Variants in VWA2 observed in about 807,000 individuals in gnomAD.
VWA2 encodes the protein von Willebrand factor A domain-containing protein 2.
A neutral mutation model predicts 70.4 loss-of-function variants in VWA2; 73 were observed. The observed-to-expected ratio is 1.04, with a 90% CI of 0.86 to 1.26. VWA2 has a LOEUF of 1.26. Ranked by LOEUF, VWA2 falls within the 50% of genes most tolerant of loss-of-function variation. The probability of loss-of-function intolerance (pLI) is 0.00; values close to 1 mark genes in which losing one functional copy is unlikely to be tolerated. For missense variants in VWA2, 1,011 were observed against 998.5 expected, an observed-to-expected ratio of 1.01 and a Z score of -0.17; for synonymous variants, 407 against 423.3, an observed-to-expected ratio of 0.96 and a Z score of 0.47.
Position 114,289,299 on chromosome 10 carries a change from C to G in VWA2, c.1932C>G (p.Gly644=). 1 of 1,613,946 alleles carries G rather than the reference C, an allele frequency of 6.2e-7. No individual in the cohort carries two copies. Among genetic ancestry groups the G allele is most frequent in the Non-Finnish European group, 8.5e-7 (1 of 1,179,998 alleles). ...KAVVVLTGGR[G]AEDAAVPAQK... ...TGGTGGTGCTCACAGGCGGGAGAGG[C>G]GCAGAGGATGCAGCCGTTCCTGCCC... is the stretch of plus-strand genomic sequence containing the variant. Residue 644 remains glycine (G), a synonymous_variant, in exon 12 of 14, where the codon GGC becomes GGG. Transcript: ENST00000392982.
At chr10:114,266,189 C>T (rs932375618) in intron 5 of VWA2, among the ~76,000 whole-genome samples, 7 of 151,622 alleles carry the variant, frequency 4.6e-5, no homozygotes, top group South Asian at 2.1e-4. Context: ...CCCAGCTACT[C>T]GGGAGGCTGA....
intron 6 of VWA2, among the ~76,000 whole-genome samples, chr10:114,273,834 G>C (rs1385495939): frequency 6.6e-6 from 1 of 152,078 alleles, no homozygotes; most frequent in Non-Finnish European, 1.5e-5. Context: ...TCTCAGAAAG[G>C]AACTAGATAA....
chr10:114,262,374 A>G (rs1189193609), intron 5 of VWA2, among the ~76,000 whole-genome samples: 2 of 151,666 alleles, frequency 1.3e-5, no homozygotes, highest in Non-Finnish European at 2.9e-5. Context: ...ATATGCACAT[A>G]TTGACACATA....
intron 4 of VWA2, among the ~76,000 whole-genome samples, chr10:114,256,627 G>C (rs1406407224): frequency 6.6e-6 from 1 of 152,166 alleles, no homozygotes; most frequent in Non-Finnish European, 1.5e-5. Context: ...AAAATTAAGA[G>C]AGGCTGTGCG....
At chr10:114,246,521 A>AC in intron 1 of VWA2, 1 of 810,650 alleles carries the variant, frequency 1.2e-6, no homozygotes, top group South Asian at 1.8e-5. Flanking sequence ...AAAAAAAAAA[A>AC]AAAACGAGTA....
In VWA2 at chr10:114,272,861, G is replaced by A. The variant is rs2037742726; in HGVS notation, c.493G>A (p.Asp165Asn). The change falls in exon 6 of 14, where the codon GAT (aspartate) becomes AAT (asparagine). Residue 165 changes from aspartate to asparagine, a missense_variant. Asp to Asn is a conservative substitution (Grantham distance 23). Coordinates refer to ENST00000392982, the MANE Select transcript of VWA2 (RefSeq NM_001272046.2). ...IIVTDGKSQG[D>N]VALPSKQLKE... ...CGTCACTGATGGGAAGTCCCAGGGG[G>A]ATGTGGCACTGCCATCCAAGCAGCT... is the stretch of plus-strand genomic sequence containing the variant. 2 of 1,614,036 alleles carry A rather than the reference G, an allele frequency of 1.2e-6. No individual in the cohort carries two copies. The highest frequency in any genetic ancestry group is 1.3e-5 in the African/African-American group (1 of 75,026).
chr10:114,290,714 AG>A (rs1210900659), intron 13 of VWA2, among the ~76,000 whole-genome samples: 2 of 141,106 alleles, frequency 1.4e-5, no homozygotes, highest in Non-Finnish European at 3.1e-5. Flanking sequence ...TTAGGAGCAC[AG>A]TAGATCCAGG....
chr10:114,252,611 G>A (rs2037221360), intron 2 of VWA2, among the ~76,000 whole-genome samples: 1 of 152,036 alleles, frequency 6.6e-6, no homozygotes, highest in Non-Finnish European at 1.5e-5. Context: ...CAGGTGCCCT[G>A]TACTGTGTGA....
chr10:114,243,676 G>A (rs189401700), intron 1 of VWA2, among the ~76,000 whole-genome samples: 49 of 152,298 alleles, frequency 3.2e-4, no homozygotes, highest in African/African-American at 1.0e-3. Context: ...ATTTCCGATG[G>A]TAGAGAAGGC....
At chr10:114,287,789 C>G (rs1486019481) in intron 11 of VWA2, among the ~76,000 whole-genome samples, 2 of 152,138 alleles carry the variant, frequency 1.3e-5, no homozygotes, top group African/African-American at 4.8e-5. Flanking sequence ...CTATTAACAC[C>G]TTGCATTAGT....
Position 114,291,616 on chromosome 10 carries a change from ACAAT to A in VWA2, c.*384_*387del, listed in dbSNP as rs1410221434. 4.7e-6 allele frequency: 1 copy of A among 212,756 alleles called. No homozygotes were observed. The highest frequency in any genetic ancestry group is 9.5e-6 in the Non-Finnish European group (1 of 105,702). The allele number at this position is 212,756 out of a possible 1,614,324, so 13.2% of individuals were successfully genotyped here. A position where few individuals can be genotyped will look rare whatever the true frequency, so the allele number is the denominator to read the frequency against. The stretch of plus-strand genomic sequence containing the variant: ...TTAGCGGCCTGACGTTCCTTTGCAC[ACAAT>A]CAATGCTCGCCAGAATGTTGTTGAC... On this transcript the variant is annotated 3_prime_UTR_variant, in exon 14 of 14. Transcript: ENST00000392982.
At chr10:114,260,881 C>T (rs747699712) in intron 4 of VWA2, among the ~76,000 whole-genome samples, 2 of 152,182 alleles carry the variant, frequency 1.3e-5, no homozygotes, top group Non-Finnish European at 2.9e-5. Flanking sequence ...AGAGACCCAG[C>T]CCTAAAGATG....
In VWA2 at chr10:114,289,040, C is replaced by T. The variant is rs201659824; in HGVS notation, c.1673C>T (p.Ala558Val). 3.2e-5 allele frequency: 52 copies of T among 1,614,174 alleles called. No individual in the cohort carries two copies. In the Admixed American group the frequency reaches 5.0e-4, roughly 16 times the overall value. ...ATGCAGAGCTTTGTGAGAAGCTGTG[C>T]CCTCCAGTTTGAGGTGAACCCTGAC... ...AQMQSFVRSC[A>V]LQFEVNPDVT... is the part of the protein sequence containing the mutation. Residue 558 changes from alanine to valine, a missense_variant, in exon 12 of 14, where the codon GCC (alanine) becomes GTC (valine). By Grantham distance (64) the Ala-to-Val change is moderately conservative. Coordinates refer to ENST00000392982, the MANE Select transcript of VWA2 (RefSeq NM_001272046.2).
At chr10:114,272,711 CTTTCTT>C (rs2037737400) in intron 5 of VWA2, 23 bp from the exon 6 acceptor site, 1 of 1,535,738 alleles carries the variant, frequency 6.5e-7, no homozygotes. Context: ...ATTCACTTTT[CTTTCTT>C]TTTTCCTTCT....
In VWA2 at chr10:114,293,012, T is replaced by A. The variant is rs940493646; in HGVS notation, c.*1775T>A. 2.6e-5 allele frequency among the ~76,000 whole-genome samples: 4 copies of A among 152,278 alleles called. No homozygotes were observed. The highest frequency in any genetic ancestry group is 9.6e-5 in the African/African-American group (4 of 41,558). The stretch of plus-strand genomic sequence containing the variant: ...GTGAACCACTGTGCCTGGCCCATTT[T>A]TCTTTATAAATATTGTAACATAATG... On this transcript the variant is annotated 3_prime_UTR_variant, in exon 14 of 14. Coordinates refer to ENST00000392982, the MANE Select transcript of VWA2 (RefSeq NM_001272046.2).
chr10:114,290,764 G>A (rs1014225308), intron 13 of VWA2, among the ~76,000 whole-genome samples: 10 of 152,192 alleles, frequency 6.6e-5, no homozygotes, highest in Non-Finnish European at 1.2e-4. Context: ...GGGTAAATGC[G>A]GTGGTGGGAG....
At chr10:114,252,723 C>A (rs2037223560) in intron 2 of VWA2, among the ~76,000 whole-genome samples, 1 of 152,066 alleles carries the variant, frequency 6.6e-6, no homozygotes, top group African/African-American at 2.4e-5. Flanking sequence ...CTCAGCCTCC[C>A]AAGTAGCTGG....
chr10:114,278,586 G>T (rs1461446238), intron 7 of VWA2, 133 bp from the exon 8 acceptor site: 1 of 1,311,380 alleles, frequency 7.6e-7, no homozygotes, highest in Non-Finnish European at 1.1e-6. Flanking sequence ...TGACCTGAGA[G>T]AGCAGAAAGT....
At position 114,292,283 on chromosome 10, in the gene VWA2, GA is replaced by G. The variant is rs944589302; in HGVS notation, c.*1053del. 6.6e-6 allele frequency among the ~76,000 whole-genome samples: 1 copy of G among 151,502 alleles called. No individual in the cohort carries two copies. The highest frequency in any genetic ancestry group is 1.5e-5 in the Non-Finnish European group (1 of 67,862). The stretch of plus-strand genomic sequence containing the variant: ...CAAGAGTAAAAATCTGTCTCAAAAA[GA>G]AAAAAATGTACTTAGGAGGGGTTAA... On this transcript the variant is annotated 3_prime_UTR_variant, in exon 14 of 14. Coordinates refer to ENST00000392982, the MANE Select transcript of VWA2 (RefSeq NM_001272046.2).
Sources: gnomAD v4.1 joint callset for allele counts (sites outside exome capture counted in the v4.1 genomes callset) on GRCh38, gnomAD v4.1.1 for gene constraint, MANE v1.5 for transcripts, NCBI Gene and HGNC (gene_info 2026-07-23, HGNC 2026-07-21) for gene names.